SCHIP1: variants seen among roughly 807,000 people sequenced by gnomAD.
The protein encoded by SCHIP1 is schwannomin interacting protein 1.
In SCHIP1, 8 loss-of-function variants were observed where a neutral mutation model predicts 29.7. The ratio of observed to expected loss-of-function variants is 0.27; its 90% CI spans 0.16 to 0.49. The LOEUF (loss-of-function observed/expected upper bound fraction) is 0.49, where lower values mean the gene tolerates loss of function less well. SCHIP1 is among the 20% of genes least tolerant of loss of function. SCHIP1 has a pLI of 0.99. For synonymous variants in SCHIP1, 76 were observed against 94.9 expected, an observed-to-expected ratio of 0.80 and a Z score of 1.16; for missense variants, 193 against 294.6, an observed-to-expected ratio of 0.66 and a Z score of 2.52.
chr3:159,593,523 T>C, the SCHIP1 span, among the ~76,000 whole-genome samples: 33 of 152,256 alleles, frequency 2.2e-4, no homozygotes, highest in Non-Finnish European at 4.1e-4. Flanking sequence ...CCAACCTCTC[T>C]GCGCCTCCAT....
the SCHIP1 span, among the ~76,000 whole-genome samples, chr3:159,409,423 C>T: frequency 6.6e-6 from 1 of 152,128 alleles, no homozygotes; most frequent in African/African-American, 2.4e-5. Context: ...AACTGATCAA[C>T]AAATTTAGTA....
chr3:159,423,510 C>T, the SCHIP1 span, among the ~76,000 whole-genome samples: 337 of 152,330 alleles, frequency 2.2e-3, 4 homozygotes, highest in African/African-American at 7.7e-3. Flanking sequence ...GGGGGAGGGG[C>T]GCCTGCCATT....
the SCHIP1 span, among the ~76,000 whole-genome samples, chr3:159,340,618 A>G: frequency 6.6e-6 from 1 of 152,050 alleles, no homozygotes; most frequent in African/African-American, 2.4e-5. Flanking sequence ...TCATCTGTTC[A>G]CTCATATGTC....
chr3:159,452,485 CT>C, the SCHIP1 span, among the ~76,000 whole-genome samples: 1 of 152,094 alleles, frequency 6.6e-6, no homozygotes, highest in African/African-American at 2.4e-5. Flanking sequence ...TGAACTCATT[CT>C]TTTTTATGGC....
At chr3:159,311,637 A>C in the SCHIP1 span, among the ~76,000 whole-genome samples, 2 of 152,162 alleles carry the variant, frequency 1.3e-5, no homozygotes, top group African/African-American at 4.8e-5. Context: ...TCTGTATTCT[A>C]TGAGCTTCTC....
the SCHIP1 span, among the ~76,000 whole-genome samples, chr3:159,611,449 T>C: frequency 6.7e-6 from 1 of 149,776 alleles, no homozygotes; most frequent in Admixed American, 6.8e-5. Context: ...AAACACTGCA[T>C]GTTCTCACTC....
At chr3:159,546,131 G>C in the SCHIP1 span, among the ~76,000 whole-genome samples, 1 of 152,000 alleles carries the variant, frequency 6.6e-6, no homozygotes, top group East Asian at 1.9e-4. Flanking sequence ...TGGTTAATCA[G>C]TTATTTGTAT....
At chr3:159,355,487 A>G in the SCHIP1 span, among the ~76,000 whole-genome samples, 1 of 152,198 alleles carries the variant, frequency 6.6e-6, no homozygotes, top group East Asian at 1.9e-4. Flanking sequence ...GTGACATCAT[A>G]TAAGATCAGA....
At chr3:159,331,751 C>T in the SCHIP1 span, among the ~76,000 whole-genome samples, 2 of 152,190 alleles carry the variant, frequency 1.3e-5, no homozygotes, top group Non-Finnish European at 2.9e-5. Context: ...TCTTGACTTT[C>T]TCTCTGCCTT....
the SCHIP1 span, among the ~76,000 whole-genome samples, chr3:159,826,158 T>G: frequency 1.3e-5 from 2 of 152,198 alleles, no homozygotes; most frequent in African/African-American, 4.8e-5. Context: ...AGAAGTATTT[T>G]TAATTCACAA....
At chr3:159,339,270 A>C in the SCHIP1 span, among the ~76,000 whole-genome samples, 44 of 152,108 alleles carry the variant, frequency 2.9e-4, no homozygotes, top group African/African-American at 9.9e-4. Context: ...AAAAAAAAAA[A>C]AACCTTGGTG....
intron 2 of SCHIP1, among the ~76,000 whole-genome samples, chr3:159,879,261 GCTTT>G (rs900820477): frequency 2.1e-4 from 32 of 151,236 alleles, no homozygotes; most frequent in African/African-American, 6.1e-4. Context: ...TTTTTGTTTT[GCTTT>G]CTTTCTTTTT....
the SCHIP1 span, among the ~76,000 whole-genome samples, chr3:159,829,314 A>G: frequency 3.3e-5 from 5 of 152,206 alleles, no homozygotes; most frequent in African/African-American, 1.2e-4. Flanking sequence ...GTAGAAACCC[A>G]GGGTTGCTGG....
chr3:159,352,755 T>C, the SCHIP1 span, among the ~76,000 whole-genome samples: 2 of 140,842 alleles, frequency 1.4e-5, no homozygotes, highest in Non-Finnish European at 3.0e-5. Flanking sequence ...TGTTAGGAGA[T>C]GAATATTTTA....
At chr3:159,572,813 A>T in the SCHIP1 span, among the ~76,000 whole-genome samples, 131 of 152,002 alleles carry the variant, frequency 8.6e-4, no homozygotes, top group Non-Finnish European at 1.5e-3. Flanking sequence ...TTGGGTGCAT[A>T]TATATTTAGG....
At chr3:159,697,165 C>T in the SCHIP1 span, among the ~76,000 whole-genome samples, 1 of 151,996 alleles carries the variant, frequency 6.6e-6, no homozygotes, top group African/African-American at 2.4e-5. Flanking sequence ...TAGATAGTAC[C>T]AGTAGGAAAG....
At chr3:159,704,328 G>A in the SCHIP1 span, among the ~76,000 whole-genome samples, 6 of 151,104 alleles carry the variant, frequency 4.0e-5, no homozygotes, top group Middle Eastern at 3.4e-3. Flanking sequence ...CCAGCTACTC[G>A]GGAGGCTGAG....
the SCHIP1 span, among the ~76,000 whole-genome samples, chr3:159,733,375 T>C: frequency 6.6e-6 from 1 of 152,188 alleles, no homozygotes; most frequent in Admixed American, 6.5e-5. Context: ...TACTGAGAGC[T>C]TGAAAAGAGA....
At chr3:159,840,245 C>T in intron 1 of SCHIP1, 2 of 1,519,712 alleles carry the variant, frequency 1.3e-6, no homozygotes, top group Non-Finnish European at 8.8e-7. Flanking sequence ...CTGAGGCCGG[C>T]ATCCTTTGGG....
Sources: gnomAD v4.1 joint callset for allele counts (sites outside exome capture counted in the v4.1 genomes callset) on GRCh38, gnomAD v4.1.1 for gene constraint, MANE v1.5 for transcripts, NCBI Gene and HGNC (gene_info 2026-07-23, HGNC 2026-07-21) for gene names.